The following DDX60 variants were observed in gnomAD, a reference collection of about 807,000 sequenced individuals.
The protein encoded by DDX60 is probable ATP-dependent RNA helicase DDX60.
In DDX60, 165 loss-of-function variants were observed where a neutral mutation model predicts 212.8. The observed-to-expected ratio is 0.78, with a 90% CI of 0.68 to 0.88. DDX60 has a LOEUF of 0.88. DDX60 is among the 40% of genes least tolerant of loss of function. The pLI is 0.00. For synonymous variants in DDX60, 703 were observed against 685.3 expected (o/e 1.03, Z -0.40); for missense variants, 1,905 against 2,003.9 (o/e 0.95, Z 0.94).
chr4:168,294,907 C>T (rs757035683), intron 6 of DDX60, among the ~76,000 whole-genome samples: 7 of 152,138 alleles, frequency 4.6e-5, no homozygotes, highest in Non-Finnish European at 1.0e-4. Flanking sequence ...ACGACCTGGA[C>T]AGTCATTACT....
At chr4:168,311,164 C>T (rs1315334734) in intron 2 of DDX60, 92 bp downstream of exon 2, 4 of 1,489,980 alleles carry the variant, frequency 2.7e-6, no homozygotes, top group South Asian at 2.3e-5. Context: ...GAAAGTAAAA[C>T]AGTAATGTGG....
At position 168,288,194 on chromosome 4, in the gene DDX60, T is replaced by C. The variant is rs778995813; in HGVS notation, c.1163A>G (p.Tyr388Cys). 5 of 1,490,320 alleles carry C rather than the reference T, an allele frequency of 3.4e-6. No individual in the cohort carries two copies. The South Asian group carries it at 4.9e-5, about 15-fold the overall frequency. The allele number at this position is 1,490,320 out of a possible 1,614,324, so 92.3% of individuals were successfully genotyped here. A position where few individuals can be genotyped will look rare whatever the true frequency, so the allele number is the denominator to read the frequency against. ...ELLLKNIAFY[Y>C]ENENVKGLHL... ...GGTACCTTTTACATTTTCATTTTCA[T>C]AGTAAAAAGCAATATTCTTCAACAA... Residue 388 changes from tyrosine (Y) to cysteine (C), a missense_variant, in exon 9 of 38, where the codon TAT becomes TGT. Transcript: ENST00000393743.
intron 20 of DDX60, 23 bp downstream of exon 20, chr4:168,268,831 C>T (rs371492218): frequency 3.8e-6 from 5 of 1,315,884 alleles, no homozygotes; most frequent in African/African-American, 2.9e-5. Flanking sequence ...AACACTCTGT[C>T]CAAATTGAAA....
Position 168,283,438 on chromosome 4 carries a change from G to A in DDX60, c.1722+8C>T, listed in dbSNP as rs1453003788. On this transcript the variant is annotated splice_region_variant and intron_variant, in intron 13 of 37. Coordinates refer to ENST00000393743, the MANE Select transcript of DDX60 (RefSeq NM_017631.6). ...TTTTTTTAATTGGATAGAATTTATAGAACCTACGTGTGCCTTTTTGCTCTT... is the reference window on the plus strand; with the variant it reads ...TTTTTTTAATTGGATAGAATTTATAAAACCTACGTGTGCCTTTTTGCTCTT... 4 of 1,610,622 alleles carry A rather than the reference G, an allele frequency of 2.5e-6. No individual in the cohort carries two copies. Among genetic ancestry groups the A allele is most frequent in the Non-Finnish European group, 3.4e-6 (4 of 1,178,956 alleles).
chr4:168,263,333 T>C (rs952102207), intron 22 of DDX60, among the ~76,000 whole-genome samples: 1 of 152,204 alleles, frequency 6.6e-6, no homozygotes, highest in Non-Finnish European at 1.5e-5. Flanking sequence ...TTCTTAATAA[T>C]GTATGCCATT....
chr4:168,285,029 C>T, intron 11 of DDX60, 94 bp from the exon 12 acceptor site: 1 of 636,830 alleles, frequency 1.6e-6, no homozygotes, highest in Non-Finnish European at 2.6e-6. Context: ...AATCATAGTT[C>T]CCCTTCTTCT....
rs370633397 is a variant in DDX60, at chr4:168,303,543, T to C, written c.607-1127A>G. On this transcript the variant is annotated intron_variant, in intron 5 of 37. Coordinates refer to ENST00000393743, the MANE Select transcript of DDX60 (RefSeq NM_017631.6). ...CTTTCAGCCACAGACCACTTATATG[T>C]TGGTGATCCCATAAGATTATAATGG... 2.6e-5 allele frequency among the ~76,000 whole-genome samples: 4 copies of C among 152,318 alleles called. No individual in the cohort carries two copies. The South Asian group carries it at 6.2e-4, about 24-fold the overall frequency.
intron 25 of DDX60, 91 bp downstream of exon 25, chr4:168,260,774 T>G: frequency 1.7e-6 from 2 of 1,146,820 alleles, no homozygotes; most frequent in Non-Finnish European, 2.5e-6. Flanking sequence ...GGGCCAGTGA[T>G]GGTCTGTGGC....
intron 30 of DDX60, among the ~76,000 whole-genome samples, chr4:168,239,420 G>A (rs1733759799): frequency 7.1e-6 from 1 of 139,874 alleles, no homozygotes; most frequent in Non-Finnish European, 1.6e-5. Context: ...ATAGAGGTAG[G>A]TAGATGGATA....
At chr4:168,316,422 T>C (rs771429425) in intron 1 of DDX60, among the ~76,000 whole-genome samples, 1 of 152,068 alleles carries the variant, frequency 6.6e-6, no homozygotes, top group Non-Finnish European at 1.5e-5. Context: ...ATTAACCAAC[T>C]TGGCAGTTCA....
At chr4:168,322,008 C>T (rs997111748), upstream of DDX60, among the ~76,000 whole-genome samples, 4 of 152,128 alleles carry the variant, frequency 2.6e-5, no homozygotes, top group African/African-American at 9.7e-5. Context: ...GGTCTTCATC[C>T]ATTGGCTACA....
rs1733623915 is a variant in DDX60 at position 168,236,186 on chromosome 4, T to A, written c.4533+66A>T. 4 of 1,474,722 alleles carry A rather than the reference T, an allele frequency of 2.7e-6. No individual in the cohort carries two copies. The Admixed American group carries it at 8.7e-5, about 32-fold the overall frequency. The allele number at this position is 1,474,722 out of a possible 1,614,324, so 91.4% of individuals were successfully genotyped here. A position where few individuals can be genotyped will look rare whatever the true frequency, so the allele number is the denominator to read the frequency against. On this transcript the variant is annotated intron_variant, in intron 33 of 37. Transcript: ENST00000393743. The stretch of plus-strand genomic sequence containing the variant: ...GAATTAAAATTCTACAGCTGCTAAG[T>A]CATTTTAGGTAAGATCTATTTAGTG...
intron 36 of DDX60, 111 bp from the exon 37 acceptor site, chr4:168,220,828 C>A: frequency 2.0e-6 from 1 of 502,564 alleles, no homozygotes; most frequent in Non-Finnish European, 3.3e-6. Flanking sequence ...CTGTCAAGAT[C>A]TCTTTCCAAA....
chr4:168,317,591 G>A (rs1347836640), intron 1 of DDX60, among the ~76,000 whole-genome samples: 1 of 152,132 alleles, frequency 6.6e-6, no homozygotes, highest in Non-Finnish European at 1.5e-5. Context: ...GAGCTGGTGG[G>A]TTAAAATGGC....
At chr4:168,252,488 G>C in intron 27 of DDX60, 21 bp downstream of exon 27, 1 of 1,611,720 alleles carries the variant, frequency 6.2e-7, no homozygotes, top group Admixed American at 1.7e-5. Context: ...TTTGGAGAAC[G>C]ATCAGGTTGT....
At chr4:168,295,233 T>G (rs1409330627) in intron 6 of DDX60, among the ~76,000 whole-genome samples, 1 of 152,208 alleles carries the variant, frequency 6.6e-6, no homozygotes, top group African/African-American at 2.4e-5. Flanking sequence ...TGTCTGGGTA[T>G]GTATCCAAAG....
At chr4:168,276,259 T>A in intron 14 of DDX60, 78 bp from the exon 15 acceptor site, 2 of 1,224,876 alleles carry the variant, frequency 1.6e-6, no homozygotes, top group African/African-American at 1.5e-5. Context: ...ATTAATCATC[T>A]AGATGGCCTC....
intron 6 of DDX60, among the ~76,000 whole-genome samples, chr4:168,299,630 G>A (rs911046268): frequency 1.3e-5 from 2 of 151,704 alleles, no homozygotes; most frequent in Non-Finnish European, 2.9e-5. Context: ...AGTAATTAAT[G>A]AAACAAGATA....
intron 5 of DDX60, among the ~76,000 whole-genome samples, chr4:168,303,552 C>T (rs916997634): frequency 6.6e-6 from 1 of 152,086 alleles, no homozygotes. Context: ...GTTGGTGATC[C>T]CATAAGATTA....
Sources: allele counts gnomAD v4.1 joint callset (sites outside exome capture counted in the v4.1 genomes callset), GRCh38; gene constraint gnomAD v4.1.1; transcripts MANE v1.5; gene names NCBI Gene and HGNC (gene_info 2026-07-23, HGNC 2026-07-21).